FMNL2: variants seen among roughly 807,000 people sequenced by gnomAD.
FMNL2 encodes the protein formin like 2.
Under a neutral mutation model 130.2 loss-of-function variants are expected in FMNL2, and 51 were observed. The ratio of observed to expected loss-of-function variants is 0.39; its 90% CI spans 0.31 to 0.49. The LOEUF is 0.49. Ranked by LOEUF, FMNL2 falls within the 20% of genes least tolerant of loss-of-function variation. The pLI, the probability that FMNL2 is intolerant of heterozygous loss-of-function variation, is 0.85. For synonymous variants in FMNL2, 465 were observed against 467.1 expected (o/e 1.00, Z 0.06); for missense variants, 977 against 1,316.2 (o/e 0.74, Z 3.99).
chr2:152,352,731 G>A (rs1056113985), intron 1 of FMNL2, among the ~76,000 whole-genome samples: 6 of 147,588 alleles, frequency 4.1e-5, no homozygotes, highest in African/African-American at 1.5e-4. Flanking sequence ...TTTTTTTCTA[G>A]TAACAGTTGT....
At chr2:152,562,395 A>G (rs1427328991) in intron 6 of FMNL2, among the ~76,000 whole-genome samples, 1 of 152,232 alleles carries the variant, frequency 6.6e-6, no homozygotes, top group East Asian at 1.9e-4. Flanking sequence ...GTCAGATTGC[A>G]GCCAGTGAAT....
chr2:152,425,254 G>T (rs1687142948), intron 1 of FMNL2, among the ~76,000 whole-genome samples: 1 of 152,142 alleles, frequency 6.6e-6, no homozygotes, highest in African/African-American at 2.4e-5. Flanking sequence ...GGGTCTATGA[G>T]ATCTTTCTAG....
chr2:152,644,098 G>A (rs1683330408), intron 25 of FMNL2, among the ~76,000 whole-genome samples: 1 of 152,172 alleles, frequency 6.6e-6, no homozygotes, highest in Non-Finnish European at 1.5e-5. Context: ...GTGCACACTT[G>A]TAGTCCCAGC....
intron 1 of FMNL2, among the ~76,000 whole-genome samples, chr2:152,411,940 G>A (rs1053508234): frequency 2.0e-5 from 3 of 152,122 alleles, no homozygotes; most frequent in South Asian, 2.1e-4. Flanking sequence ...TGTAGCTTTT[G>A]TGATCCAGGG....
At chr2:152,559,389 T>C (rs184835007) in intron 5 of FMNL2, among the ~76,000 whole-genome samples, 3 of 152,138 alleles carry the variant, frequency 2.0e-5, no homozygotes, top group Non-Finnish European at 4.4e-5. Context: ...CTCGGCTCAC[T>C]GCAACCTCTG....
Position 152,640,818 on chromosome 2 carries a change from C to T in FMNL2, c.3073C>T (p.Gln1025Ter). 1 of 1,613,564 alleles carries T rather than the reference C, an allele frequency of 6.2e-7. No individual in the cohort carries two copies. Among genetic ancestry groups the T allele is most frequent in the Non-Finnish European group, 8.5e-7 (1 of 1,179,712 alleles). The change falls in exon 25 of 26, where the codon CAG (glutamine) becomes TAG (stop). Residue 1025 changes from glutamine (Q) to a stop codon, truncating the protein, a stop_gained. Transcript: ENST00000288670. LOFTEE classifies it high-confidence loss of function. Reference protein sequence around the residue: ...KSPSHKSKRQQQELIAELRRR... With the variant: ...KSPSHKSKRQ ...TCCTTCTCATAAATCAAAGAGGCAGCAGCAAGAGTTAATTGCAGAATTAAG... is the reference window on the plus strand; with the variant it reads ...TCCTTCTCATAAATCAAAGAGGCAGTAGCAAGAGTTAATTGCAGAATTAAG...
chr2:152,413,922 T>C (rs1261904048), intron 1 of FMNL2, among the ~76,000 whole-genome samples: 1 of 152,252 alleles, frequency 6.6e-6, no homozygotes, highest in African/African-American at 2.4e-5. Flanking sequence ...TCTTGCATGC[T>C]TTTTGTGATG....
intron 1 of FMNL2, among the ~76,000 whole-genome samples, chr2:152,400,436 C>CA (rs904232416): frequency 1.4e-4 from 20 of 143,046 alleles, no homozygotes; most frequent in African/African-American, 3.2e-4. Context: ...GACTCGGTCT[C>CA]AAAAAAACAA....
chr2:152,343,149 G>A (rs1681907158), intron 1 of FMNL2, among the ~76,000 whole-genome samples: 1 of 152,100 alleles, frequency 6.6e-6, no homozygotes, highest in African/African-American at 2.4e-5. Flanking sequence ...TGATGCATTT[G>A]TAAGCCCCTG....
At chr2:152,549,315 A>G (rs1155778) in intron 4 of FMNL2, among the ~76,000 whole-genome samples, 13,763 of 152,218 alleles carry the variant, frequency 0.09, 913 homozygotes, top group Admixed American at 0.23. Context: ...TAACAATTCT[A>G]TATTTCTTTG....
At chr2:152,353,746 G>A (rs1375297579) in intron 1 of FMNL2, among the ~76,000 whole-genome samples, 1 of 152,108 alleles carries the variant, frequency 6.6e-6, no homozygotes, top group African/African-American at 2.4e-5. Flanking sequence ...CACAAGAAGT[G>A]GTTGTTCTGA....
chr2:152,530,632 A>G (rs1022255155), intron 2 of FMNL2, among the ~76,000 whole-genome samples: 20 of 152,368 alleles, frequency 1.3e-4, no homozygotes, highest in African/African-American at 4.6e-4. Context: ...TTGAAAAAAG[A>G]TACATACACT....
intron 1 of FMNL2, among the ~76,000 whole-genome samples, chr2:152,436,043 GTTT>G (rs34447078): frequency 6.7e-6 from 1 of 148,854 alleles, no homozygotes; most frequent in East Asian, 2.0e-4. Context: ...GACGTGCTTA[GTTT>G]TTTTTTTTTC....
At chr2:152,572,254 T>C (rs1696211175) in intron 6 of FMNL2, among the ~76,000 whole-genome samples, 1 of 152,122 alleles carries the variant, frequency 6.6e-6, no homozygotes, top group African/African-American at 2.4e-5. Flanking sequence ...TAGTTAGCTC[T>C]CTATCTTAAG....
At chr2:152,418,893 C>T (rs1276126425) in intron 1 of FMNL2, among the ~76,000 whole-genome samples, 1 of 151,688 alleles carries the variant, frequency 6.6e-6, no homozygotes, top group Admixed American at 6.6e-5. Context: ...ACTGTTTCCA[C>T]GGTGTCTGCT....
intron 1 of FMNL2, among the ~76,000 whole-genome samples, chr2:152,351,414 A>G (rs1254703789): frequency 1.3e-5 from 2 of 151,944 alleles, no homozygotes; most frequent in African/African-American, 2.4e-5. Flanking sequence ...ATGTGTTCTC[A>G]TTGTTCAACC....
intron 4 of FMNL2, 91 bp from the exon 5 acceptor site, chr2:152,558,649 G>A (rs1695355730): frequency 8.4e-7 from 1 of 1,183,874 alleles, no homozygotes; most frequent in Admixed American, 2.1e-5. Context: ...AAAGTTTCTG[G>A]TGGAAAAAAC....
chr2:152,515,782 G>A (rs1692734138), intron 1 of FMNL2, among the ~76,000 whole-genome samples: 1 of 152,164 alleles, frequency 6.6e-6, no homozygotes, highest in African/African-American at 2.4e-5. Context: ...ATTGGATAAT[G>A]CATGCAAAGA....
intron 6 of FMNL2, among the ~76,000 whole-genome samples, chr2:152,570,102 T>G (rs1558972000): frequency 6.6e-6 from 1 of 152,226 alleles, no homozygotes; most frequent in South Asian, 2.1e-4. Context: ...ACTTTTTCTT[T>G]TATTAATATT....
Sources: gnomAD v4.1 joint callset for allele counts (sites outside exome capture counted in the v4.1 genomes callset) on GRCh38, gnomAD v4.1.1 for gene constraint, MANE v1.5 for transcripts, NCBI Gene and HGNC (gene_info 2026-07-23, HGNC 2026-07-21) for gene names.